The following ASZ1 variants were observed in gnomAD, a reference collection of about 807,000 sequenced individuals.
ASZ1 encodes ankyrin repeat, SAM and basic leucine zipper domain-containing protein 1.
In ASZ1, 67 loss-of-function variants were observed where a neutral mutation model predicts 61.8. The ratio of observed to expected loss-of-function variants is 1.08; its 90% CI spans 0.89 to 1.33. The LOEUF is 1.33. ASZ1 is among the 40% of genes most tolerant of loss of function. The pLI is 0.00. For missense variants in ASZ1, 577 were observed against 554.5 expected, an observed-to-expected ratio of 1.04 and a Z score of -0.41; for synonymous variants, 193 against 192.7, an observed-to-expected ratio of 1.00 and a Z score of -0.01.
At position 117,374,229 on chromosome 7, in the gene ASZ1, T is replaced by G. The variant is rs376505812; in HGVS notation, c.1056-5512A>C. On this transcript the variant is annotated intron_variant, in intron 10 of 12. Coordinates refer to ENST00000284629, the MANE Select transcript of ASZ1 (RefSeq NM_130768.3). ...TGAACTCCAAAATAATGTGAAAATC[T>G]ATTGTTTGTATGTTTAATTAATGTT... is the stretch of plus-strand genomic sequence containing the variant. 7.9e-5 allele frequency among the ~76,000 whole-genome samples: 12 copies of G among 152,262 alleles called. No homozygotes were observed. The East Asian group carries it at 2.3e-3, about 29-fold the overall frequency.
At chr7:117,375,165 T>A (rs1796114866) in intron 10 of ASZ1, among the ~76,000 whole-genome samples, 1 of 151,994 alleles carries the variant, frequency 6.6e-6, no homozygotes, top group Admixed American at 6.6e-5. Flanking sequence ...TTTCGGATTA[T>A]AAAATCTAGG....
intron 4 of ASZ1, among the ~76,000 whole-genome samples, chr7:117,395,163 A>G (rs1796553422): frequency 6.6e-6 from 1 of 152,182 alleles, no homozygotes; most frequent in Admixed American, 6.5e-5. Context: ...AGAGTTTCCC[A>G]TCTGTTTCTT....
chr7:117,425,559 C>T (rs766563460), intron 2 of ASZ1, among the ~76,000 whole-genome samples: 19 of 151,826 alleles, frequency 1.3e-4, no homozygotes, highest in Non-Finnish European at 1.8e-4. Context: ...TGAGCCACCG[C>T]GCCCGGCCAG....
intron 4 of ASZ1, among the ~76,000 whole-genome samples, chr7:117,408,751 T>G (rs1796838861): frequency 6.6e-6 from 1 of 152,038 alleles, no homozygotes; most frequent in Admixed American, 6.6e-5. Context: ...ATTCAGACAT[T>G]AAGAAGTACA....
At chr7:117,385,160 T>C (rs1796329046) in intron 5 of ASZ1, among the ~76,000 whole-genome samples, 1 of 152,178 alleles carries the variant, frequency 6.6e-6, no homozygotes, top group African/African-American at 2.4e-5. Flanking sequence ...ATAATTCTTA[T>C]GTATATTTTA....
At chr7:117,369,384 A>G (rs1437026632) in intron 10 of ASZ1, among the ~76,000 whole-genome samples, 1 of 152,220 alleles carries the variant, frequency 6.6e-6, no homozygotes, top group Non-Finnish European at 1.5e-5. Flanking sequence ...CTTTTGTGTC[A>G]GCATAAGGAA....
intron 4 of ASZ1, among the ~76,000 whole-genome samples, chr7:117,408,099 C>T (rs748692128): frequency 6.6e-6 from 1 of 152,214 alleles, no homozygotes; most frequent in East Asian, 1.9e-4. Flanking sequence ...TTAAATCATT[C>T]GCCATTGGTA....
chr7:117,381,030 C>A lies in ASZ1; in HGVS notation c.926G>T (p.Arg309Met). The change falls in exon 9 of 13, where the codon AGG (arginine) becomes ATG (methionine). Residue 309 changes from arginine to methionine, a missense_variant. By Grantham distance (91) the Arg-to-Met change is moderately conservative (BLOSUM62 -1). Coordinates refer to ENST00000284629, the MANE Select transcript of ASZ1 (RefSeq NM_130768.3). ...DITLRHLLTM[R>M]EDEFTKNGIT... ...ACTAACCTTTGTAAATTCATCTTCC[C>A]TCATGGTCAAAAGATGTCTTAACGT... 2 of 1,598,068 alleles carry A rather than the reference C, an allele frequency of 1.3e-6. No homozygotes were observed. Among genetic ancestry groups the A allele is most frequent in the Non-Finnish European group, 1.7e-6 (2 of 1,171,672 alleles).
At position 117,381,944 on chromosome 7, in the gene ASZ1, C is replaced by T. The variant is rs547163722; in HGVS notation, c.888+125G>A. The T allele has an allele frequency of 4.5e-5, 29 of 647,652 alleles. No homozygotes were observed. The East Asian group carries it at 8.3e-4, about 19-fold the overall frequency. The allele number at this position is 647,652 out of a possible 1,614,324, so 40.1% of individuals were successfully genotyped here. A position where few individuals can be genotyped will look rare whatever the true frequency, so the allele number is the denominator to read the frequency against. On this transcript the variant is annotated intron_variant, in intron 8 of 12. Coordinates refer to ENST00000284629, the MANE Select transcript of ASZ1 (RefSeq NM_130768.3). The stretch of plus-strand genomic sequence containing the variant: ...ACAAATTTAAAATTGGGATGTACTA[C>T]AAATTATGGTGAAAAGTAAATTGGC...
At chr7:117,365,755 G>T (rs557439720) in intron 12 of ASZ1, among the ~76,000 whole-genome samples, 1 of 152,338 alleles carries the variant, frequency 6.6e-6, no homozygotes, top group South Asian at 2.1e-4. Flanking sequence ...AGCTTGTGTA[G>T]CACAGGTGCC....
intron 10 of ASZ1, among the ~76,000 whole-genome samples, chr7:117,369,223 A>C (rs1202005563): frequency 6.6e-6 from 1 of 152,130 alleles, no homozygotes; most frequent in Non-Finnish European, 1.5e-5. Context: ...GGTTGAAGAA[A>C]AAGTTTGCCA....
chr7:117,391,879 G>C (rs539921816), intron 4 of ASZ1, among the ~76,000 whole-genome samples: 1 of 152,056 alleles, frequency 6.6e-6, no homozygotes, highest in South Asian at 2.1e-4. Flanking sequence ...TGCAATGTCT[G>C]CCTCTGGGTT....
chr7:117,426,876 G>A lies in ASZ1; in HGVS notation c.165C>T (p.Thr55=), dbSNP rs553919113. ...CCTGGACCAATGAAACATCTCCGAT[G>A]GTCATTGCTTTCTTAAATTTTTCTT... ...EKKEKFKKAM[T]IGDVSLVQEL... The change falls in exon 2 of 13, where the codon ACC becomes ACT. Residue 55 remains threonine, a synonymous_variant. Coordinates refer to ENST00000284629, the MANE Select transcript of ASZ1 (RefSeq NM_130768.3). The A allele has an allele frequency of 5.6e-6, 9 of 1,613,234 alleles. No homozygotes were observed. The South Asian group carries it at 9.9e-5, about 18-fold the overall frequency.
rs1796238471 is a variant in ASZ1 at position 117,381,006 on chromosome 7, C to T, written c.945+5G>A. On this transcript the variant is annotated splice_donor_5th_base_variant and intron_variant, in intron 9 of 12. Transcript: ENST00000284629. ...GTATCGGGAATTTTTGAAATTGATA[C>T]TAACCTTTGTAAATTCATCTTCCCT... The T allele has an allele frequency of 1.3e-6, 2 of 1,584,324 alleles. No homozygotes were observed. Among genetic ancestry groups the T allele is most frequent in the Non-Finnish European group, 1.7e-6 (2 of 1,159,004 alleles).
chr7:117,417,782 A>G (rs1797024558), intron 4 of ASZ1, among the ~76,000 whole-genome samples: 1 of 152,246 alleles, frequency 6.6e-6, no homozygotes, highest in African/African-American at 2.4e-5. Context: ...ACATCTATTA[A>G]TTAAATGCAT....
chr7:117,426,920 A>C lies in ASZ1; in HGVS notation c.121T>G (p.Leu41Val), dbSNP rs1797229924. The change falls in exon 2 of 13, where the codon TTA (leucine) becomes GTA (valine). Residue 41 changes from leucine (L) to valine (V), a missense_variant. By Grantham distance (32) the Leu-to-Val change is conservative. Coordinates refer to ENST00000284629, the MANE Select transcript of ASZ1 (RefSeq NM_130768.3). ...DRTSQKLKRL[L>V]PIEEKKEKFK... The stretch of plus-strand genomic sequence containing the variant: ...TTTTCTTTCTTTTCTTCAATGGGTA[A>C]TAGCCTTTTCAATTTCTAGAAAAGT... 6.3e-7 allele frequency: 1 copy of C among 1,596,168 alleles called. No homozygotes were observed. The highest frequency in any genetic ancestry group is 8.5e-7 in the Non-Finnish European group (1 of 1,175,622).
chr7:117,384,422 C>T (rs879892758), intron 6 of ASZ1, among the ~76,000 whole-genome samples: 83 of 152,034 alleles, frequency 5.5e-4, no homozygotes, highest in African/African-American at 2.0e-3. Context: ...TTTTAAAATT[C>T]TGGACCAGTT....
At position 117,368,680 on chromosome 7, in the gene ASZ1, TATTTA is replaced by T; in HGVS notation, c.1088_1092del (p.Leu363Ter). ...GCTGTTATTAAATGGCCACACTGTT[TATTTA>T]ATTTGAGAAGAAAGTTGAGGAACTC... On this transcript the variant is annotated frameshift_variant, in exon 11 of 13. Coordinates refer to ENST00000284629, the MANE Select transcript of ASZ1 (RefSeq NM_130768.3). LOFTEE classifies it high-confidence loss of function. 1 of 1,612,910 alleles carries T rather than the reference TATTTA, an allele frequency of 6.2e-7. No homozygotes were observed. The highest frequency in any genetic ancestry group is 2.2e-5 in the East Asian group (1 of 44,692).
intron 7 of ASZ1, 81 bp downstream of exon 7, chr7:117,382,905 T>C: frequency 7.6e-7 from 1 of 1,320,964 alleles, no homozygotes; most frequent in Admixed American, 3.0e-5. Context: ...ATATTTTAAA[T>C]AAGTCACCAC....
Sources: gnomAD v4.1 joint callset for allele counts (sites outside exome capture counted in the v4.1 genomes callset) on GRCh38, gnomAD v4.1.1 for gene constraint, MANE v1.5 for transcripts, NCBI Gene and HGNC (gene_info 2026-07-23, HGNC 2026-07-21) for gene names.